The following RAB38 variants were observed in gnomAD, a reference collection of about 807,000 sequenced individuals.
RAB38 encodes the protein ras-related protein Rab-38.
Under a neutral mutation model 18.4 loss-of-function variants are expected in RAB38, and 15 were observed. The ratio of observed to expected loss-of-function variants is 0.82; its 90% CI spans 0.55 to 1.26. The LOEUF (loss-of-function observed/expected upper bound fraction) is 1.26. Among genes scored for constraint, RAB38 ranks in the 50% most tolerant of loss-of-function variants. The pLI is 0.00. For missense variants in RAB38, 294 were observed against 267.4 expected (o/e 1.10, Z -0.69); for synonymous variants, 101 against 104.4 (o/e 0.97, Z 0.20).
chr11:87,828,899 G>T, the RAB38 span, among the ~76,000 whole-genome samples: 1 of 152,050 alleles, frequency 6.6e-6, no homozygotes, highest in African/African-American at 2.4e-5. Flanking sequence ...ACAACTTCCT[G>T]TTTGAATATT....
chr11:87,960,809 G>T, the RAB38 span, among the ~76,000 whole-genome samples: 1 of 152,094 alleles, frequency 6.6e-6, no homozygotes, highest in Admixed American at 6.6e-5. Flanking sequence ...TATTGAGCTA[G>T]ACCAGCCAAA....
intron 2 of RAB38, among the ~76,000 whole-genome samples, chr11:88,117,016 A>C (rs1942563190): frequency 6.6e-6 from 1 of 152,190 alleles, no homozygotes. Context: ...ATATAAGATA[A>C]CACTGTTTAA....
the RAB38 span, among the ~76,000 whole-genome samples, chr11:88,062,689 A>G: frequency 6.6e-6 from 1 of 152,224 alleles, no homozygotes; most frequent in Non-Finnish European, 1.5e-5. Context: ...ATGGAAGAAG[A>G]ATTAAATTAA....
At chr11:87,871,899 A>G in the RAB38 span, among the ~76,000 whole-genome samples, 6 of 151,618 alleles carry the variant, frequency 4.0e-5, no homozygotes, top group Non-Finnish European at 8.9e-5. Flanking sequence ...TAACCATTCT[A>G]TTACTGATAC....
chr11:87,977,310 A>T, the RAB38 span, among the ~76,000 whole-genome samples: 4 of 131,784 alleles, frequency 3.0e-5, no homozygotes, highest in South Asian at 9.4e-4. Flanking sequence ...TATATTATAA[A>T]ATATAATTAT....
chr11:88,106,990 G>A, the RAB38 span, among the ~76,000 whole-genome samples: 7 of 152,070 alleles, frequency 4.6e-5, no homozygotes, highest in African/African-American at 7.2e-5. Flanking sequence ...CGATAAAGAG[G>A]CACACTCTAA....
chr11:87,911,331 G>A, the RAB38 span, among the ~76,000 whole-genome samples: 22 of 152,034 alleles, frequency 1.4e-4, no homozygotes, highest in African/African-American at 4.8e-4. Context: ...TGGAGATTTT[G>A]AAGGAATTGA....
At chr11:87,809,798 T>G in the RAB38 span, among the ~76,000 whole-genome samples, 1 of 152,206 alleles carries the variant, frequency 6.6e-6, no homozygotes, top group African/African-American at 2.4e-5. Context: ...TGGAGGCCAT[T>G]AAATCCAGAA....
chr11:88,093,765 C>T, the RAB38 span, among the ~76,000 whole-genome samples: 8 of 151,972 alleles, frequency 5.3e-5, no homozygotes, highest in South Asian at 1.7e-3. Context: ...ATCTTTCAGC[C>T]CCAGCATCAC....
chr11:87,811,644 C>T, the RAB38 span, among the ~76,000 whole-genome samples: 1 of 152,090 alleles, frequency 6.6e-6, no homozygotes, highest in African/African-American at 2.4e-5. Flanking sequence ...TTTATTTTTC[C>T]TCTTTTCTCT....
the RAB38 span, among the ~76,000 whole-genome samples, chr11:87,967,057 T>C: frequency 6.6e-6 from 1 of 152,198 alleles, no homozygotes; most frequent in South Asian, 2.1e-4. Context: ...GAATATTAAC[T>C]TGGAGAGGAA....
intron 2 of RAB38, among the ~76,000 whole-genome samples, chr11:88,130,210 G>C (rs948427522): frequency 6.6e-6 from 1 of 152,028 alleles, no homozygotes; most frequent in Non-Finnish European, 1.5e-5. Context: ...ATCCAAGGAA[G>C]AAGAAAAAGG....
the RAB38 span, among the ~76,000 whole-genome samples, chr11:87,943,959 CATTCA>C: frequency 6.6e-6 from 1 of 152,060 alleles, no homozygotes; most frequent in African/African-American, 2.4e-5. Flanking sequence ...AATGAAATTT[CATTCA>C]ATTCAAAAAG....
chr11:87,805,270 A>G, the RAB38 span, among the ~76,000 whole-genome samples: 16 of 152,138 alleles, frequency 1.1e-4, no homozygotes, highest in African/African-American at 2.4e-5. Flanking sequence ...ATGTGCAACT[A>G]TCTATGGACA....
At chr11:88,146,770 T>C (rs1037567513) in intron 2 of RAB38, among the ~76,000 whole-genome samples, 3 of 152,202 alleles carry the variant, frequency 2.0e-5, no homozygotes, top group African/African-American at 7.2e-5. Flanking sequence ...ACAACCTCAA[T>C]AGCATTAGGT....
At chr11:87,817,785 C>G in the RAB38 span, among the ~76,000 whole-genome samples, 1 of 152,138 alleles carries the variant, frequency 6.6e-6, no homozygotes, top group Non-Finnish European at 1.5e-5. Context: ...CTGTGATAAT[C>G]ACAGTGTTTC....
chr11:88,098,358 G>A, the RAB38 span, among the ~76,000 whole-genome samples: 7 of 151,944 alleles, frequency 4.6e-5, no homozygotes, highest in African/African-American at 1.4e-4. Context: ...TATTTGTTAA[G>A]AGAAAACTTA....
the RAB38 span, among the ~76,000 whole-genome samples, chr11:87,836,469 A>G: frequency 3.9e-5 from 6 of 152,232 alleles, no homozygotes; most frequent in East Asian, 1.2e-3. Context: ...CTAAAGCAGT[A>G]GTCTACCCCA....
the RAB38 span, among the ~76,000 whole-genome samples, chr11:87,950,792 G>A: frequency 6.6e-6 from 1 of 152,132 alleles, no homozygotes; most frequent in Non-Finnish European, 1.5e-5. Flanking sequence ...TGGGTAACCC[G>A]ACCTTTCTCT....
Sources: allele counts gnomAD v4.1 joint callset (sites outside exome capture counted in the v4.1 genomes callset), GRCh38; gene constraint gnomAD v4.1.1; transcripts MANE v1.5; gene names NCBI Gene and HGNC (gene_info 2026-07-23, HGNC 2026-07-21).